KYNU: variants seen among roughly 807,000 people sequenced by gnomAD.
The protein encoded by KYNU is kynureninase.
A neutral mutation model predicts 59.2 loss-of-function variants in KYNU; 54 were observed. That is an observed-to-expected ratio of 0.91 (90% CI 0.73 to 1.14). KYNU has a LOEUF of 1.14. Among genes scored for constraint, KYNU ranks in the 50% most tolerant of loss-of-function variants. KYNU has a pLI of 0.00. For missense variants in KYNU, 567 were observed against 554.4 expected (o/e 1.02, Z -0.23); for synonymous variants, 177 against 192.0 (o/e 0.92, Z 0.65).
chr2:142,897,932 C>T (rs1423711217), intron 2 of KYNU, among the ~76,000 whole-genome samples: 4 of 152,002 alleles, frequency 2.6e-5, no homozygotes, highest in Non-Finnish European at 5.9e-5. Context: ...GACAGGATGT[C>T]CCTTTGTCAT....
chr2:142,986,565 T>C (rs1685207310), intron 10 of KYNU, among the ~76,000 whole-genome samples: 1 of 152,050 alleles, frequency 6.6e-6, no homozygotes, highest in South Asian at 2.1e-4. Context: ...AGTAATACTT[T>C]TCTGTTTTAT....
chr2:142,965,061 C>T (rs984500834), intron 8 of KYNU, among the ~76,000 whole-genome samples: 8 of 152,206 alleles, frequency 5.3e-5, no homozygotes, highest in African/African-American at 1.9e-4. Flanking sequence ...TGCATTGTAT[C>T]TCTAGTGATT....
chr2:142,935,138 G>A (rs376980578), intron 4 of KYNU, among the ~76,000 whole-genome samples: 1 of 152,218 alleles, frequency 6.6e-6, no homozygotes, highest in Non-Finnish European at 1.5e-5. Context: ...TGAAGTTTGC[G>A]TGGAATATTG....
chr2:142,883,416 T>G (rs940948251), intron 1 of KYNU, among the ~76,000 whole-genome samples: 45 of 151,938 alleles, frequency 3.0e-4, no homozygotes, highest in African/African-American at 1.0e-3. Context: ...GCCAGGACGG[T>G]CTTGATCTCC....
At chr2:142,907,645 T>G (rs2104962330) in intron 2 of KYNU, among the ~76,000 whole-genome samples, 1 of 152,308 alleles carries the variant, frequency 6.6e-6, no homozygotes, top group South Asian at 2.1e-4. Context: ...GGGTTGCCAC[T>G]CCCTGCTCAA....
chr2:142,957,685 A>G lies in KYNU; in HGVS notation c.552A>G (p.Glu184=). The G allele has an allele frequency of 6.2e-7, 1 of 1,605,814 alleles. No individual in the cohort carries two copies. The highest frequency in any genetic ancestry group is 8.5e-7 in the Non-Finnish European group (1 of 1,172,774). The change falls in exon 7 of 14, where the codon GAA becomes GAG. Residue 184 remains glutamate, a synonymous_variant. Coordinates refer to ENST00000264170, the MANE Select transcript of KYNU (RefSeq NM_003937.3). ...SQLQLHGLNI[E]ESMRMIKPRE... ...TACAACTTCACGGACTTAACATTGAAGAAAGTATGCGGATGATAAAGCCAA... is the reference window on the plus strand; with the variant it reads ...TACAACTTCACGGACTTAACATTGAGGAAAGTATGCGGATGATAAAGCCAA...
chr2:143,035,309 C>A (rs1027763347), intron 12 of KYNU, among the ~76,000 whole-genome samples: 3 of 152,196 alleles, frequency 2.0e-5, no homozygotes, highest in Non-Finnish European at 4.4e-5. Context: ...ATCTTCTAAT[C>A]ACTTACATAT....
chr2:143,033,195 A>G (rs763047862), intron 11 of KYNU, 41 bp from the exon 12 acceptor site: 1 of 1,386,232 alleles, frequency 7.2e-7, no homozygotes, highest in Non-Finnish European at 1.0e-6. Flanking sequence ...GACACTTTTA[A>G]AGTTACCTTC....
chr2:143,032,244 T>C (rs940706419), intron 11 of KYNU, among the ~76,000 whole-genome samples: 8 of 151,426 alleles, frequency 5.3e-5, no homozygotes, highest in East Asian at 3.9e-4. Context: ...CGCCACTGCA[T>C]TCCAGCCTGG....
At chr2:143,003,221 A>G (rs1268918181) in intron 10 of KYNU, among the ~76,000 whole-genome samples, 1 of 152,178 alleles carries the variant, frequency 6.6e-6, no homozygotes, top group Non-Finnish European at 1.5e-5. Context: ...ATCTGTTCAA[A>G]TTAACTTAAG....
chr2:143,036,533 G>C (rs1025703441), intron 12 of KYNU, among the ~76,000 whole-genome samples: 4 of 152,200 alleles, frequency 2.6e-5, no homozygotes, highest in African/African-American at 7.2e-5. Flanking sequence ...GCTTGGACCA[G>C]TATAAGCATG....
At chr2:142,939,259 T>C (rs539732233) in intron 4 of KYNU, among the ~76,000 whole-genome samples, 13 of 152,184 alleles carry the variant, frequency 8.5e-5, no homozygotes, top group South Asian at 6.2e-4. Context: ...CAAATTTCTA[T>C]TGGTTTTGTG....
chr2:142,972,629 G>C (rs541612029), intron 8 of KYNU, among the ~76,000 whole-genome samples: 1 of 152,186 alleles, frequency 6.6e-6, no homozygotes, highest in African/African-American at 2.4e-5. Context: ...ATCTGAGAGA[G>C]TTTAAGCACT....
At chr2:143,012,118 A>T (rs190650162) in intron 10 of KYNU, among the ~76,000 whole-genome samples, 143 of 152,144 alleles carry the variant, frequency 9.4e-4, no homozygotes, top group Non-Finnish European at 1.4e-3. Flanking sequence ...GGGTGTCCCC[A>T]AGTTGGAGGT....
intron 8 of KYNU, among the ~76,000 whole-genome samples, chr2:142,973,308 A>C (rs917060799): frequency 6.6e-6 from 1 of 152,132 alleles, no homozygotes; most frequent in Non-Finnish European, 1.5e-5. Context: ...AAATGTCAAG[A>C]AGGCATAGCC....
chr2:143,037,740 TA>T (rs1401619447), intron 12 of KYNU, among the ~76,000 whole-genome samples: 3 of 152,130 alleles, frequency 2.0e-5, no homozygotes, highest in Non-Finnish European at 2.9e-5. Flanking sequence ...TTTTCTAATT[TA>T]AAAAAATTAT....
chr2:143,012,010 A>G (rs1192150803), intron 10 of KYNU, among the ~76,000 whole-genome samples: 13 of 149,332 alleles, frequency 8.7e-5, no homozygotes, highest in Admixed American at 8.0e-4. Flanking sequence ...ACATGTATAC[A>G]TATGTAACTA....
chr2:142,977,033 A>G (rs1181549399), intron 8 of KYNU, among the ~76,000 whole-genome samples: 1 of 152,162 alleles, frequency 6.6e-6, no homozygotes, highest in Non-Finnish European at 1.5e-5. Context: ...TGAAGCCTCC[A>G]AGTAGCAGGC....
chr2:142,969,006 A>C (rs1344393338), intron 8 of KYNU, among the ~76,000 whole-genome samples: 2 of 151,954 alleles, frequency 1.3e-5, no homozygotes, highest in Non-Finnish European at 2.9e-5. Flanking sequence ...CATGCACACA[A>C]TTTTTTTTAT....
Sources: gnomAD v4.1 joint callset for allele counts (sites outside exome capture counted in the v4.1 genomes callset) on GRCh38, gnomAD v4.1.1 for gene constraint, MANE v1.5 for transcripts, NCBI Gene and HGNC (gene_info 2026-07-23, HGNC 2026-07-21) for gene names.